Variants in CHST8 observed in about 807,000 individuals in gnomAD.
CHST8 encodes the protein GALNAC-4-ST1.
Under a neutral mutation model 15.0 loss-of-function variants are expected in CHST8, and 10 were observed. The ratio of observed to expected loss-of-function variants is 0.67; its 90% CI spans 0.41 to 1.13. CHST8 has a LOEUF of 1.13. CHST8 is among the 50% of genes most tolerant of loss of function. The pLI is 0.00. For missense variants in CHST8, 634 were observed against 608.2 expected (o/e 1.04, Z -0.45); for synonymous variants, 259 against 256.6 (o/e 1.01, Z -0.09).
intron 3 of CHST8, among the ~76,000 whole-genome samples, chr19:33,766,956 A>G (rs285693): frequency 0.043 from 6,598 of 152,348 alleles, 488 homozygotes; most frequent in African/African-American, 0.15. Flanking sequence ...ACTCCACCAC[A>G]GACAGGGACC....
chr19:33,734,970 G>A (rs1483023213), intron 3 of CHST8, among the ~76,000 whole-genome samples: 2 of 152,206 alleles, frequency 1.3e-5, no homozygotes, highest in African/African-American at 4.8e-5. Flanking sequence ...CCATGCCACG[G>A]CTTGGGCAAG....
chr19:33,660,014 T>C (rs190707972), intron 1 of CHST8, among the ~76,000 whole-genome samples: 1,669 of 152,292 alleles, frequency 0.011, 18 homozygotes, highest in Non-Finnish European at 0.019. Flanking sequence ...GGCCCTGGGC[T>C]CCACCAGGCT....
intron 1 of CHST8, 144 bp from the exon 2 acceptor site, chr19:33,667,623 A>G (rs1275227033): frequency 6.6e-6 from 1 of 152,170 alleles, no homozygotes; most frequent in African/African-American, 2.4e-5. Context: ...GAGCGAATGC[A>G]TTAAAACTAA....
At chr19:33,670,610 A>C (rs1400821893) in intron 2 of CHST8, among the ~76,000 whole-genome samples, 1 of 152,162 alleles carries the variant, frequency 6.6e-6, no homozygotes, top group Non-Finnish European at 1.5e-5. Flanking sequence ...AGTTTCTGGA[A>C]GCCCTTTCCA....
chr19:33,647,805 C>T (rs541747429), intron 1 of CHST8, among the ~76,000 whole-genome samples: 19 of 152,060 alleles, frequency 1.2e-4, no homozygotes, highest in African/African-American at 4.3e-4. Context: ...GAGATCATGC[C>T]ACTGCATTCC....
At chr19:33,769,775 G>A (rs1238730841) in intron 3 of CHST8, among the ~76,000 whole-genome samples, 1 of 152,108 alleles carries the variant, frequency 6.6e-6, no homozygotes, top group Non-Finnish European at 1.5e-5. Context: ...CCAGGGAAGA[G>A]TCTAGAAGGC....
At chr19:33,751,179 C>T (rs986573836) in intron 3 of CHST8, among the ~76,000 whole-genome samples, 1 of 152,162 alleles carries the variant, frequency 6.6e-6, no homozygotes, top group Admixed American at 6.5e-5. Context: ...GTGCCCACAG[C>T]CTGCCCACCG....
intron 3 of CHST8, among the ~76,000 whole-genome samples, chr19:33,746,366 C>T (rs1974313194): frequency 6.6e-6 from 1 of 152,164 alleles, no homozygotes; most frequent in South Asian, 2.1e-4. Context: ...CGCACCGCCC[C>T]CGGCAACCAC....
intron 3 of CHST8, among the ~76,000 whole-genome samples, chr19:33,753,054 G>A (rs1465095010): frequency 1.3e-5 from 2 of 152,094 alleles, no homozygotes; most frequent in Non-Finnish European, 2.9e-5. Flanking sequence ...TGCACTGGGG[G>A]CTGGGGGAAG....
At chr19:33,752,220 T>C (rs1974434528) in intron 3 of CHST8, among the ~76,000 whole-genome samples, 1 of 152,116 alleles carries the variant, frequency 6.6e-6, no homozygotes, top group Admixed American at 6.5e-5. Flanking sequence ...GCCCGCCGCC[T>C]AGGGGGAAGC....
chr19:33,754,817 T>C (rs1017289829), intron 3 of CHST8, among the ~76,000 whole-genome samples: 4 of 152,206 alleles, frequency 2.6e-5, no homozygotes, highest in Admixed American at 6.5e-5. Flanking sequence ...TGCAAATCTG[T>C]TGTGGATGTG....
At chr19:33,663,921 C>G (rs1972617732) in intron 1 of CHST8, among the ~76,000 whole-genome samples, 1 of 152,040 alleles carries the variant, frequency 6.6e-6, no homozygotes, top group Non-Finnish European at 1.5e-5. Flanking sequence ...TCCATATGCA[C>G]TGCTGGGAAA....
chr19:33,763,210 T>C (rs769645157), intron 3 of CHST8, among the ~76,000 whole-genome samples: 1 of 152,164 alleles, frequency 6.6e-6, no homozygotes, highest in Non-Finnish European at 1.5e-5. Context: ...CAACTCCACA[T>C]GGACCCTCCA....
chr19:33,638,456 C>T (rs1160243432), intron 1 of CHST8, among the ~76,000 whole-genome samples: 2 of 152,152 alleles, frequency 1.3e-5, no homozygotes, highest in East Asian at 3.9e-4. Flanking sequence ...GATATCAGCT[C>T]ATTGCCAGTG....
intron 3 of CHST8, among the ~76,000 whole-genome samples, chr19:33,748,433 C>T (rs1280739982): frequency 1.3e-5 from 2 of 152,352 alleles, no homozygotes; most frequent in South Asian, 2.1e-4. Flanking sequence ...GTGCCAGCGC[C>T]GCTGGGCAGG....
At chr19:33,671,000 C>G (rs571829430) in intron 2 of CHST8, among the ~76,000 whole-genome samples, 2 of 152,184 alleles carry the variant, frequency 1.3e-5, no homozygotes, top group African/African-American at 4.8e-5. Context: ...CCCCGGCATC[C>G]TGGCAGTTCC....
intron 2 of CHST8, among the ~76,000 whole-genome samples, chr19:33,682,955 C>T (rs1464605972): frequency 1.3e-5 from 2 of 152,158 alleles, no homozygotes; most frequent in African/African-American, 4.8e-5. Flanking sequence ...CTGGGGAGGG[C>T]TTCAGGAAGC....
chr19:33,666,126 G>A (rs1972657209), intron 1 of CHST8, among the ~76,000 whole-genome samples: 1 of 152,270 alleles, frequency 6.6e-6, no homozygotes, highest in South Asian at 2.1e-4. Context: ...GCCTGTCGAT[G>A]TAGGCCACGC....
intron 3 of CHST8, among the ~76,000 whole-genome samples, chr19:33,690,787 C>A (rs1472198840): frequency 6.6e-6 from 1 of 152,240 alleles, no homozygotes; most frequent in Non-Finnish European, 1.5e-5. Flanking sequence ...GCTCATGACA[C>A]TGCATTGGCA....
Sources: gnomAD v4.1 joint callset for allele counts (sites outside exome capture counted in the v4.1 genomes callset) on GRCh38, gnomAD v4.1.1 for gene constraint, MANE v1.5 for transcripts, NCBI Gene and HGNC (gene_info 2026-07-23, HGNC 2026-07-21) for gene names.